CAV3: variants seen among roughly 807,000 people sequenced by gnomAD.
CAV3 encodes caveolin-3.
A neutral mutation model predicts 13.4 loss-of-function variants in CAV3; 10 were observed. The observed-to-expected ratio is 0.75, with a 90% CI of 0.46 to 1.27. The LOEUF is 1.27. Ranked by LOEUF, CAV3 falls within the 50% of genes most tolerant of loss-of-function variation. The probability of loss-of-function intolerance (pLI) is 0.00; values close to 1 mark genes in which losing one functional copy is unlikely to be tolerated. For synonymous variants in CAV3, 90 were observed against 79.0 expected, an observed-to-expected ratio of 1.14 and a Z score of -0.74; for missense variants, 162 against 194.0, an observed-to-expected ratio of 0.83 and a Z score of 0.98.
intron 1 of CAV3, among the ~76,000 whole-genome samples, chr3:8,739,481 G>A (rs970598525): frequency 4.0e-5 from 6 of 151,636 alleles, no homozygotes; most frequent in Admixed American, 1.3e-4. Flanking sequence ...AGAGCCAGGT[G>A]TAGTGGTGGG....
intron 1 of CAV3, among the ~76,000 whole-genome samples, chr3:8,738,465 T>C (rs1327625815): frequency 6.6e-6 from 1 of 152,164 alleles, no homozygotes; most frequent in Non-Finnish European, 1.5e-5. Flanking sequence ...TGGCGGGGAA[T>C]CCATTCCTGG....
intron 1 of CAV3, among the ~76,000 whole-genome samples, chr3:8,743,024 A>G (rs975418884): frequency 5.9e-5 from 9 of 152,160 alleles, no homozygotes; most frequent in African/African-American, 2.2e-4. Flanking sequence ...GGCATATCAC[A>G]TGGCGAGAGA....
chr3:8,745,158 AG>A lies in CAV3; in HGVS notation c.115-367del, dbSNP rs1223390428. 3.9e-6 allele frequency: 1 copy of A among 256,850 alleles called. No homozygotes were observed. The highest frequency in any genetic ancestry group is 7.7e-6 in the Non-Finnish European group (1 of 130,188). 15.9% of individuals were successfully genotyped at this position (256,850 alleles called of 1,614,324 possible). ...TTCTCATAAGATCTGGTTGTTGTAA[AG>A]TGTGGCACTCCACCCCCTGCCCAGC... On this transcript the variant is annotated intron_variant, in intron 1 of 1. Transcript: ENST00000343849. This position sits in a 1 kb window ranked among gnomAD's most constrained non-coding sequence, Gnocchi z 4.8.
intron 1 of CAV3, among the ~76,000 whole-genome samples, chr3:8,742,291 C>G (rs879563707): frequency 6.7e-6 from 1 of 149,990 alleles, no homozygotes; most frequent in East Asian, 1.9e-4. Context: ...GCACTTGCCC[C>G]ACACACAGCA....
intron 1 of CAV3, among the ~76,000 whole-genome samples, chr3:8,742,821 G>A (rs958897611): frequency 1.3e-5 from 2 of 152,220 alleles, no homozygotes; most frequent in African/African-American, 4.8e-5. Flanking sequence ...ATAGATGAAT[G>A]AGTGGATAGA....
At chr3:8,739,391 T>A (rs1364863146) in intron 1 of CAV3, among the ~76,000 whole-genome samples, 1 of 151,606 alleles carries the variant, frequency 6.6e-6, no homozygotes, top group East Asian at 1.9e-4. Flanking sequence ...GGCAGGTGGA[T>A]CACCTGAGGT....
chr3:8,744,275 A>ATTTTTTTTTT (rs35889837), intron 1 of CAV3, among the ~76,000 whole-genome samples: 1 of 120,860 alleles, frequency 8.3e-6, no homozygotes, highest in African/African-American at 3.6e-5. Flanking sequence ...GACCAGTGGA[A>ATTTTTTTTTT]TTTTTTTTTT....
In CAV3 at chr3:8,746,536, G is replaced by A. The variant is rs1243746288; in HGVS notation, c.*669G>A. 1 of 152,138 alleles carries A rather than the reference G, an allele frequency of 6.6e-6. No homozygotes were observed. The highest frequency in any genetic ancestry group is 1.5e-5 in the Non-Finnish European group (1 of 68,076). The allele number at this position is 152,138 out of a possible 1,614,324, so 9.4% of individuals were successfully genotyped here. On this transcript the variant is annotated 3_prime_UTR_variant, in exon 2 of 2. Transcript: ENST00000343849. ...AAAATGGGCACCAATGGAGGAAAAT[G>A]ACCCTTGGGCTGGCAGGGGCAGTGA...
At chr3:8,738,038 T>TTCTCTC (rs71634725) in intron 1 of CAV3, among the ~76,000 whole-genome samples, 4 of 127,256 alleles carry the variant, frequency 3.1e-5, no homozygotes, top group South Asian at 2.4e-4. Context: ...CTCCTCTGTC[T>TTCTCTC]TCTCTCTCTC....
chr3:8,734,019 C>T (rs199731064), intron 1 of CAV3, 29 bp downstream of exon 1: 12 of 1,345,606 alleles, frequency 8.9e-6, no homozygotes, highest in East Asian at 2.3e-5. Context: ...CCTCGGCGGG[C>T]GGAGAGTGTC....
At chr3:8,740,661 C>T (rs1707925511) in intron 1 of CAV3, among the ~76,000 whole-genome samples, 1 of 152,156 alleles carries the variant, frequency 6.6e-6, no homozygotes, top group South Asian at 2.1e-4. Context: ...GTCCTAGGTC[C>T]CTTAAGGTAG....
At chr3:8,744,031 C>A (rs1453419442) in intron 1 of CAV3, among the ~76,000 whole-genome samples, 2 of 152,150 alleles carry the variant, frequency 1.3e-5, no homozygotes, top group Non-Finnish European at 2.9e-5. Context: ...GAAGTTGGAG[C>A]CTCAGCCCTG....
chr3:8,744,791 G>C (rs1708095630), intron 1 of CAV3: 1 of 152,282 alleles, frequency 6.6e-6, no homozygotes, highest in Admixed American at 6.5e-5. Context: ...AATAGAATTT[G>C]AGAGCTGCGA....
chr3:8,736,971 T>A (rs901834160), intron 1 of CAV3, among the ~76,000 whole-genome samples: 2 of 152,168 alleles, frequency 1.3e-5, no homozygotes, highest in East Asian at 3.9e-4. Context: ...CAGGTCTCTG[T>A]TACAGTCTGT....
chr3:8,735,473 C>A (rs138188372), intron 1 of CAV3, among the ~76,000 whole-genome samples: 175 of 152,328 alleles, frequency 1.1e-3, no homozygotes, highest in African/African-American at 3.5e-3. Context: ...CATGCCTGTA[C>A]TGTTTCAAAC....
At position 8,745,831 on chromosome 3, in the gene CAV3, C is replaced by G; in HGVS notation, c.420C>G (p.Cys140Trp). ...TCTTCGCGGCCCTGGGCCAGGTCTG[C>G]AGCAGCATCAAGGTGGTGCTGCGGA... ...NPLFAALGQV[C>W]SSIKVVLRKE... The change falls in exon 2 of 2, where the codon TGC becomes TGG. Residue 140 changes from cysteine (C) to tryptophan (W), a missense_variant. Cys to Trp is a radical substitution (Grantham distance 215). Transcript: ENST00000343849. The surrounding 1 kb of genome is among the most constrained non-coding windows in gnomAD (Gnocchi z 4.8). The G allele has an allele frequency of 6.2e-7, 1 of 1,613,596 alleles. No individual in the cohort carries two copies. Among genetic ancestry groups the G allele is most frequent in the Non-Finnish European group, 8.5e-7 (1 of 1,180,008 alleles).
chr3:8,741,146 C>T (rs1404307939), intron 1 of CAV3, among the ~76,000 whole-genome samples: 2 of 152,192 alleles, frequency 1.3e-5, no homozygotes, highest in African/African-American at 4.8e-5. Flanking sequence ...ACTTTGTAGG[C>T]CAGTGCCTCT....
intron 1 of CAV3, among the ~76,000 whole-genome samples, chr3:8,744,347 C>T (rs959885144): frequency 1.0e-4 from 15 of 146,652 alleles, no homozygotes; most frequent in Non-Finnish European, 1.8e-4. Context: ...GGCACAATCT[C>T]GGCTCACTGC....
At chr3:8,734,618 C>T (rs1307435344) in intron 1 of CAV3, among the ~76,000 whole-genome samples, 1 of 152,242 alleles carries the variant, frequency 6.6e-6, no homozygotes, top group Non-Finnish European at 1.5e-5. Flanking sequence ...AGTCTCTCAG[C>T]GTCTGAAGTT....
Sources: gnomAD v4.1 joint callset for allele counts (sites outside exome capture counted in the v4.1 genomes callset) on GRCh38, gnomAD v4.1.1 for gene constraint, Gnocchi (gnomAD v3.1) non-coding constraint, MANE v1.5 for transcripts, NCBI Gene and HGNC (gene_info 2026-07-23, HGNC 2026-07-21) for gene names.